The following CLSTN2 variants were observed in gnomAD, a reference collection of about 807,000 sequenced individuals.
CLSTN2 encodes the protein calsyntenin 2.
Under a neutral mutation model 101.2 loss-of-function variants are expected in CLSTN2, and 48 were observed. That is an observed-to-expected ratio of 0.47 (90% CI 0.38 to 0.60). CLSTN2 has a LOEUF of 0.60. CLSTN2 is among the 20% of genes least tolerant of loss of function. The probability of loss-of-function intolerance (pLI) is 0.00; values close to 1 mark genes in which losing one functional copy is unlikely to be tolerated. For missense variants in CLSTN2, 1,160 were observed against 1,238.2 expected (o/e 0.94, Z 0.95); for synonymous variants, 481 against 463.6 (o/e 1.04, Z -0.48).
intron 6 of CLSTN2, among the ~76,000 whole-genome samples, chr3:140,456,197 T>G (rs932397895): frequency 6.6e-6 from 1 of 152,130 alleles, no homozygotes; most frequent in Non-Finnish European, 1.5e-5. Flanking sequence ...GGGCCTCAGT[T>G]TCTATGTTTG....
chr3:140,026,042 A>G (rs2007413598), intron 1 of CLSTN2, among the ~76,000 whole-genome samples: 1 of 152,124 alleles, frequency 6.6e-6, no homozygotes, highest in Admixed American at 6.5e-5. Context: ...GATGGGGAGC[A>G]TTGGCAGGTC....
chr3:140,375,891 G>A (rs1360276533), intron 2 of CLSTN2, among the ~76,000 whole-genome samples: 1 of 152,156 alleles, frequency 6.6e-6, no homozygotes, highest in Non-Finnish European at 1.5e-5. Flanking sequence ...GAGGGTTTTA[G>A]AAACATCTTG....
intron 1 of CLSTN2, among the ~76,000 whole-genome samples, chr3:139,980,095 C>T (rs1935889408): frequency 6.6e-6 from 1 of 152,106 alleles, no homozygotes; most frequent in African/African-American, 2.4e-5. Flanking sequence ...CATCATCTCT[C>T]ACCTGAATGA....
chr3:140,484,646 G>A (rs139812744), intron 8 of CLSTN2, among the ~76,000 whole-genome samples: 12,779 of 152,130 alleles, frequency 0.084, 930 homozygotes, highest in East Asian at 0.32. Flanking sequence ...CATATTTCTT[G>A]GAGGCTTTGT....
intron 8 of CLSTN2, among the ~76,000 whole-genome samples, chr3:140,486,258 A>G (rs1207755524): frequency 1.4e-5 from 2 of 138,534 alleles, no homozygotes; most frequent in African/African-American, 5.9e-5. Context: ...TCAGAATGAA[A>G]AACAGATTCA....
intron 2 of CLSTN2, among the ~76,000 whole-genome samples, chr3:140,251,279 T>G (rs992711832): frequency 6.6e-6 from 1 of 152,210 alleles, no homozygotes; most frequent in Admixed American, 6.5e-5. Context: ...CACTGAGTTT[T>G]CCATTTGTAA....
At chr3:140,375,717 T>C (rs2087910412) in intron 2 of CLSTN2, among the ~76,000 whole-genome samples, 1 of 152,238 alleles carries the variant, frequency 6.6e-6, no homozygotes, top group Admixed American at 6.5e-5. Flanking sequence ...ATTTTTATCT[T>C]GCTCATTTTT....
intron 2 of CLSTN2, among the ~76,000 whole-genome samples, chr3:140,292,997 A>T (rs1227876304): frequency 6.6e-6 from 1 of 152,204 alleles, no homozygotes; most frequent in Non-Finnish European, 1.5e-5. Flanking sequence ...CTTAGAGTAG[A>T]CGTGAGATAA....
chr3:140,552,637 T>G (rs1436790055), intron 10 of CLSTN2, among the ~76,000 whole-genome samples: 1 of 152,078 alleles, frequency 6.6e-6, no homozygotes, highest in African/African-American at 2.4e-5. Flanking sequence ...TGTTTATCCA[T>G]CCCTCTAGAA....
At position 140,418,504 on chromosome 3, in the gene CLSTN2, TCTTTCTTTC is replaced by T. The variant is rs774564207; in HGVS notation, c.638-2620_638-2612del. Among the ~76,000 whole-genome samples the T allele has an allele frequency of 1.6e-3, 159 of 99,678 alleles. 11 individuals are homozygous for T. Among genetic ancestry groups the T allele is most frequent in the Non-Finnish European group, 1.4e-3 (69 of 48,830 alleles). The allele number at this position is 99,678 out of a possible 152,430, so 65.4% of individuals were successfully genotyped here. On this transcript the variant is annotated intron_variant, in intron 4 of 16. Coordinates refer to ENST00000458420, the MANE Select transcript of CLSTN2 (RefSeq NM_022131.3). ...AGATTATTCTAGTTCTTTCTTTCTT[TCTTTCTTTC>T]TTTCTTTTTTTTTTTTTTTTCTGAG...
intron 2 of CLSTN2, among the ~76,000 whole-genome samples, chr3:140,193,117 G>GT (rs1031474021): frequency 6.2e-4 from 94 of 151,738 alleles, no homozygotes; most frequent in African/African-American, 2.2e-3. Flanking sequence ...GCTTAGAGCC[G>GT]TATCAGTATT....
intron 2 of CLSTN2, among the ~76,000 whole-genome samples, chr3:140,204,970 G>A (rs546501207): frequency 1.1e-4 from 16 of 152,272 alleles, no homozygotes; most frequent in Admixed American, 3.3e-4. Context: ...GATTCTTGAG[G>A]GGCTCAAATA....
chr3:140,392,906 G>A (rs1055088660), intron 2 of CLSTN2, among the ~76,000 whole-genome samples: 11 of 151,980 alleles, frequency 7.2e-5, no homozygotes, highest in African/African-American at 2.2e-4. Context: ...CACAACTGGT[G>A]AGGCCCTTCT....
Position 140,203,461 on chromosome 3 carries a change from GTTTTTTTTTTTT to G in CLSTN2, c.232+27407_232+27418del, listed in dbSNP as rs58182333. Among the ~76,000 whole-genome samples the G allele has an allele frequency of 2.1e-4, 14 of 67,922 alleles. No individual in the cohort carries two copies. In the South Asian group the frequency reaches 2.1e-3, roughly 10 times the overall value. 44.6% of individuals were successfully genotyped at this position (67,922 alleles called of 152,430 possible). A position where few individuals can be genotyped will look rare whatever the true frequency, so the allele number is the denominator to read the frequency against. On this transcript the variant is annotated intron_variant, in intron 2 of 16. Coordinates refer to ENST00000458420, the MANE Select transcript of CLSTN2 (RefSeq NM_022131.3). The stretch of plus-strand genomic sequence containing the variant: ...GAAGAGGGGTTAAGAGAAAGTGTGG[GTTTTTTTTTTTT>G]TTTTTTTTTTTTTTTTTTGGTTTTT...
chr3:140,214,788 C>T (rs936936845), intron 2 of CLSTN2, among the ~76,000 whole-genome samples: 9 of 152,124 alleles, frequency 5.9e-5, no homozygotes, highest in Admixed American at 3.9e-4. Flanking sequence ...AATTCAGTAA[C>T]GGCATAATTT....
chr3:140,278,949 A>C (rs1480370670), intron 2 of CLSTN2, among the ~76,000 whole-genome samples: 1 of 152,030 alleles, frequency 6.6e-6, no homozygotes, highest in Admixed American at 6.6e-5. Flanking sequence ...TTGACTCCTG[A>C]GCTTGAGGAA....
chr3:140,240,214 A>ATATATATG, intron 2 of CLSTN2, among the ~76,000 whole-genome samples: 1 of 11,848 alleles, frequency 8.4e-5, no homozygotes, highest in Non-Finnish European at 2.8e-4. Flanking sequence ...ACACACACAC[A>ATATATATG]CACACACATA....
At chr3:140,154,676 G>T (rs2009922987) in intron 1 of CLSTN2, among the ~76,000 whole-genome samples, 1 of 108,670 alleles carries the variant, frequency 9.2e-6, no homozygotes, top group Non-Finnish European at 1.7e-5. Context: ...ACGGAGTCTT[G>T]CTCTGTCGCC....
At chr3:140,113,785 G>A (rs2009194162) in intron 1 of CLSTN2, among the ~76,000 whole-genome samples, 1 of 152,208 alleles carries the variant, frequency 6.6e-6, no homozygotes, top group African/African-American at 2.4e-5. Context: ...AATTGATAGT[G>A]ACGCACGACT....
Sources: gnomAD v4.1 joint callset for allele counts (sites outside exome capture counted in the v4.1 genomes callset) on GRCh38, gnomAD v4.1.1 for gene constraint, MANE v1.5 for transcripts, NCBI Gene and HGNC (gene_info 2026-07-23, HGNC 2026-07-21) for gene names.